Variants in NTM observed in about 807,000 individuals in gnomAD.
NTM encodes IgLON family member 2.
NTM carries 13 observed loss-of-function variants against 42.1 expected under a neutral mutation model. The observed-to-expected ratio is 0.31, with a 90% CI of 0.20 to 0.49. The LOEUF is 0.49. NTM is among the 20% of genes least tolerant of loss of function. NTM has a pLI of 0.99. For synonymous variants in NTM, 187 were observed against 179.2 expected, an observed-to-expected ratio of 1.04 and a Z score of -0.35; for missense variants, 373 against 452.8, an observed-to-expected ratio of 0.82 and a Z score of 1.60.
intron 7 of NTM, among the ~76,000 whole-genome samples, chr11:132,316,061 C>G (rs141115903): frequency 6.6e-6 from 1 of 152,134 alleles, no homozygotes; most frequent in East Asian, 1.9e-4. Context: ...TCCCATTAAC[C>G]CAAGTCCTGC....
intron 1 of NTM, among the ~76,000 whole-genome samples, chr11:131,731,385 G>A (rs74384557): frequency 1.5e-3 from 223 of 152,268 alleles, no homozygotes; most frequent in African/African-American, 5.2e-3. Flanking sequence ...TCTTGATGCT[G>A]ATCTTCCACT....
intron 1 of NTM, among the ~76,000 whole-genome samples, chr11:131,729,863 G>A (rs572064806): frequency 6.6e-6 from 1 of 152,130 alleles, no homozygotes; most frequent in South Asian, 2.1e-4. Flanking sequence ...ATTTGGAATA[G>A]TTCTACTTTT....
At position 132,317,603 on chromosome 11, in the gene NTM, T is replaced by C. The variant is rs571331624; in HGVS notation, c.934+2900T>C. On this transcript the variant is annotated intron_variant, in intron 7 of 8. Transcript: ENST00000683400. ...GACAAATATATAGCACTGTATATAA[T>C]ATATGTGTTTGTTCTCATTTTTCTC... 3.7e-6 allele frequency: 4 copies of C among 1,085,728 alleles called. No homozygotes were observed. In the African/African-American group the frequency reaches 4.9e-5, roughly 13 times the overall value. 67.3% of individuals were successfully genotyped at this position (1,085,728 alleles called of 1,614,324 possible). A position where few individuals can be genotyped will look rare whatever the true frequency, so the allele number is the denominator to read the frequency against.
intron 2 of NTM, among the ~76,000 whole-genome samples, chr11:132,041,869 G>A (rs2077251215): frequency 6.6e-6 from 1 of 152,114 alleles, no homozygotes; most frequent in Admixed American, 6.5e-5. Context: ...TAGGTAAAAT[G>A]GGGAGAATAC....
At chr11:131,479,758 G>T (rs922701129) in intron 1 of NTM, among the ~76,000 whole-genome samples, 8 of 152,300 alleles carry the variant, frequency 5.3e-5, no homozygotes, top group African/African-American at 1.9e-4. Context: ...TAAGGTCATT[G>T]GGAGGTAAAG....
At chr11:132,254,907 CCTTATCTCTACCCA>C (rs1371584257) in intron 4 of NTM, among the ~76,000 whole-genome samples, 3 of 152,146 alleles carry the variant, frequency 2.0e-5, no homozygotes, top group African/African-American at 7.2e-5. Context: ...GGGCAACACC[CCTTATCTCTACCCA>C]CTAGATAGCA....
intron 2 of NTM, among the ~76,000 whole-genome samples, chr11:132,084,081 A>G (rs1043988592): frequency 1.3e-5 from 2 of 152,120 alleles, no homozygotes; most frequent in Non-Finnish European, 2.9e-5. Context: ...TCAGCTCTTC[A>G]TAAGTCCTGT....
At chr11:132,216,141 C>T (rs1294972161) in intron 4 of NTM, among the ~76,000 whole-genome samples, 3 of 152,228 alleles carry the variant, frequency 2.0e-5, no homozygotes, top group Non-Finnish European at 1.5e-5. Flanking sequence ...AATAGAAAAA[C>T]GTTCATGCTG....
At chr11:131,589,304 T>A (rs192189447) in intron 1 of NTM, among the ~76,000 whole-genome samples, 2 of 152,074 alleles carry the variant, frequency 1.3e-5, no homozygotes, top group East Asian at 1.9e-4. Context: ...AAGCAGGGCT[T>A]TTTTCTCTTC....
chr11:131,585,944 C>T (rs1424346940), intron 1 of NTM, among the ~76,000 whole-genome samples: 2 of 152,188 alleles, frequency 1.3e-5, no homozygotes, highest in Non-Finnish European at 2.9e-5. Flanking sequence ...CTTCCATCCC[C>T]ACAAGTTCTC....
rs570695475 is a variant in NTM, at chr11:132,096,658, G to T, written c.168-49624G>T. On this transcript the variant is annotated intron_variant, in intron 2 of 8. Transcript: ENST00000683400. ...CAATTAATTACTGACCCATCAAGGA[G>T]CAATCAGGCTCCGCTCGGCCAGCAG... 1.2e-4 allele frequency among the ~76,000 whole-genome samples: 18 copies of T among 152,310 alleles called. No individual in the cohort carries two copies. In the South Asian group the frequency reaches 3.3e-3, roughly 28 times the overall value.
At chr11:131,830,531 T>C (rs888162568) in intron 1 of NTM, among the ~76,000 whole-genome samples, 2 of 152,130 alleles carry the variant, frequency 1.3e-5, no homozygotes, top group African/African-American at 4.8e-5. Flanking sequence ...TCTATATGTC[T>C]GTTTTTGTAC....
At chr11:131,695,417 T>C (rs2075329618) in intron 1 of NTM, among the ~76,000 whole-genome samples, 1 of 152,200 alleles carries the variant, frequency 6.6e-6, no homozygotes, top group Non-Finnish European at 1.5e-5. Flanking sequence ...CATGTTTTCA[T>C]ACAGATTGTC....
chr11:132,201,502 CTA>C (rs1426552769), intron 3 of NTM, among the ~76,000 whole-genome samples: 1 of 152,148 alleles, frequency 6.6e-6, no homozygotes, highest in African/African-American at 2.4e-5. Context: ...TATGGCAAGG[CTA>C]TGGCGGTTGG....
intron 1 of NTM, among the ~76,000 whole-genome samples, chr11:131,894,916 G>A (rs1040185480): frequency 2.0e-5 from 3 of 152,140 alleles, no homozygotes; most frequent in Non-Finnish European, 2.9e-5. Context: ...CATTTCCAAC[G>A]CCAGCAGTGT....
At chr11:131,897,676 T>C (rs1357575868) in intron 1 of NTM, among the ~76,000 whole-genome samples, 1 of 152,216 alleles carries the variant, frequency 6.6e-6, no homozygotes, top group East Asian at 1.9e-4. Flanking sequence ...ATTCCAAGTA[T>C]TCTATTTATC....
At chr11:132,199,969 T>C (rs12807489) in intron 3 of NTM, among the ~76,000 whole-genome samples, 3,785 of 152,224 alleles carry the variant, frequency 0.025, 63 homozygotes, top group Non-Finnish European at 0.037. Context: ...GAAACTTCTC[T>C]CTTTCCCCAA....
At chr11:132,239,292 G>A (rs1381742852) in intron 4 of NTM, among the ~76,000 whole-genome samples, 1 of 152,190 alleles carries the variant, frequency 6.6e-6, no homozygotes, top group African/African-American at 2.4e-5. Flanking sequence ...TTTCTGCTAT[G>A]CCACTGGTGA....
chr11:131,794,663 CA>C (rs1039248933), intron 1 of NTM: 34 of 985,096 alleles, frequency 3.5e-5, no homozygotes, highest in Non-Finnish European at 4.1e-5. Context: ...CATATACGGG[CA>C]AAACTGCACC....
Sources: gnomAD v4.1 joint callset for allele counts (sites outside exome capture counted in the v4.1 genomes callset) on GRCh38, gnomAD v4.1.1 for gene constraint, MANE v1.5 for transcripts, NCBI Gene and HGNC (gene_info 2026-07-23, HGNC 2026-07-21) for gene names.